SLC30A10: variants seen among roughly 807,000 people sequenced by gnomAD.
SLC30A10 encodes solute carrier family 30 member 10.
In SLC30A10, 8 loss-of-function variants were observed where a neutral mutation model predicts 21.7. The ratio of observed to expected loss-of-function variants is 0.37; its 90% CI spans 0.22 to 0.67. SLC30A10 has a LOEUF of 0.67. Ranked by LOEUF, SLC30A10 falls within the 30% of genes least tolerant of loss-of-function variation. SLC30A10 has a pLI of 0.58. For synonymous variants in SLC30A10, 272 were observed against 279.4 expected, an observed-to-expected ratio of 0.97 and a Z score of 0.26; for missense variants, 521 against 642.5, an observed-to-expected ratio of 0.81 and a Z score of 2.04.
intron 1 of SLC30A10, among the ~76,000 whole-genome samples, chr1:219,937,242 G>A (rs1022165874): frequency 6.6e-6 from 1 of 152,084 alleles, no homozygotes; most frequent in Admixed American, 6.6e-5. Context: ...TTGTCCTCAG[G>A]CTTTTTCTGC....
chr1:219,943,732 A>G (rs1660148785), intron 1 of SLC30A10, among the ~76,000 whole-genome samples: 1 of 152,246 alleles, frequency 6.6e-6, no homozygotes, highest in Admixed American at 6.5e-5. Context: ...GGAAAGTCTC[A>G]GCAAAGAAAT....
intron 1 of SLC30A10, among the ~76,000 whole-genome samples, chr1:219,944,621 A>G (rs541076752): frequency 6.6e-6 from 1 of 152,328 alleles, no homozygotes; most frequent in South Asian, 2.1e-4. Flanking sequence ...AGATAAAGGG[A>G]GGTAAGGTTT....
rs1210071228 is a variant in SLC30A10 at position 219,925,651 on chromosome 1, A to AT, written c.718+1376dup. On this transcript the variant is annotated intron_variant, in intron 2 of 3. Transcript: ENST00000366926. ...TGTGTACATATATATATATATATAT[A>AT]TTTTTTTTTTTTTTTTTTTTTTGAG... is the stretch of plus-strand genomic sequence containing the variant. Among the ~76,000 whole-genome samples, 206 of 48,300 alleles carry AT rather than the reference A, an allele frequency of 4.3e-3. 10 individuals are homozygous for AT. Among genetic ancestry groups the AT allele is most frequent in the Middle Eastern group, 0.022 (1 of 46 alleles). 31.7% of individuals were successfully genotyped at this position (48,300 alleles called of 152,430 possible).
chr1:219,912,043 T>G lies in SLC30A10; in HGVS notation c.*3406A>C, dbSNP rs1184730203. Among the ~76,000 whole-genome samples, 1 of 151,998 alleles carries G rather than the reference T, an allele frequency of 6.6e-6. No homozygotes were observed. The highest frequency in any genetic ancestry group is 2.4e-5 in the African/African-American group (1 of 41,358). ...AAGCCTCACAAAAGCTCTTATGACCTCACAGGGCAGCTGTCTTATTGTAAT... is the reference window on the plus strand; with the variant it reads ...AAGCCTCACAAAAGCTCTTATGACCGCACAGGGCAGCTGTCTTATTGTAAT... On this transcript the variant is annotated 3_prime_UTR_variant, in exon 4 of 4. Transcript: ENST00000366926.
At chr1:219,958,034 T>C (rs1418017817) in intron 1 of SLC30A10, among the ~76,000 whole-genome samples, 2 of 152,208 alleles carry the variant, frequency 1.3e-5, no homozygotes, top group African/African-American at 2.4e-5. Context: ...TCTTTATTTT[T>C]TCTCTCGCCA....
chr1:219,943,792 A>T lies in SLC30A10; in HGVS notation n.80+14776T>A, dbSNP rs554676577. ...AGAAACTTTAAAAATGAAAACTACA[A>T]TAACTGAAATAAAAACTCAATGGGA... On this transcript the variant is annotated intron_variant and non_coding_transcript_variant, in intron 1 of 8. Coordinates refer to the SLC30A10 transcript ENST00000484239. 1.7e-4 allele frequency among the ~76,000 whole-genome samples: 26 copies of T among 152,304 alleles called. No homozygotes were observed. The South Asian group carries it at 4.6e-3, about 27-fold the overall frequency.
chr1:219,955,330 A>G, intron 1 of SLC30A10, among the ~76,000 whole-genome samples: 1 of 152,194 alleles, frequency 6.6e-6, no homozygotes, highest in East Asian at 1.9e-4. Context: ...AGCCAAAAAT[A>G]CTGGCTCTAC....
chr1:219,950,337 C>A (rs1660250761), intron 1 of SLC30A10, among the ~76,000 whole-genome samples: 1 of 152,190 alleles, frequency 6.6e-6, no homozygotes, highest in African/African-American at 2.4e-5. Flanking sequence ...CTAACATTTA[C>A]AAGAGCCTTC....
chr1:219,956,910 A>G (rs1487115448), intron 1 of SLC30A10, among the ~76,000 whole-genome samples: 2 of 152,214 alleles, frequency 1.3e-5, no homozygotes, highest in Non-Finnish European at 2.9e-5. Context: ...ATGTGCAGGT[A>G]AATGTTGTAT....
chr1:219,956,615 C>T (rs1017803212), intron 1 of SLC30A10, among the ~76,000 whole-genome samples: 2 of 150,212 alleles, frequency 1.3e-5, no homozygotes, highest in South Asian at 2.1e-4. Flanking sequence ...GAGTTCGAGA[C>T]CAGCCTGGCC....
intron 1 of SLC30A10, among the ~76,000 whole-genome samples, chr1:219,943,967 G>T (rs1490612908): frequency 1.3e-5 from 2 of 151,696 alleles, no homozygotes; most frequent in African/African-American, 4.8e-5. Flanking sequence ...GGGCATGGTG[G>T]TGGGCACCTG....
intron 1 of SLC30A10, among the ~76,000 whole-genome samples, chr1:219,952,246 A>G (rs886093949): frequency 6.6e-6 from 1 of 152,182 alleles, no homozygotes; most frequent in African/African-American, 2.4e-5. Flanking sequence ...TACTGTGTTG[A>G]GTACTTTACA....
chr1:219,924,702 A>G (rs180755536), intron 2 of SLC30A10, among the ~76,000 whole-genome samples: 1 of 152,240 alleles, frequency 6.6e-6, no homozygotes, highest in Admixed American at 6.5e-5. Context: ...CAGTAAGATT[A>G]ATGTGACTAC....
At chr1:219,943,452 C>A (rs1276426364) in intron 1 of SLC30A10, among the ~76,000 whole-genome samples, 3 of 152,096 alleles carry the variant, frequency 2.0e-5, no homozygotes, top group Admixed American at 6.5e-5. Context: ...AAATAACAAG[C>A]AGCACCCCTT....
At chr1:219,949,403 T>C (rs1660236419) in intron 1 of SLC30A10, among the ~76,000 whole-genome samples, 2 of 152,326 alleles carry the variant, frequency 1.3e-5, no homozygotes, top group Admixed American at 1.3e-4. Context: ...GTGGCACATG[T>C]ACACCATGGA....
chr1:219,923,603 T>C (rs1336492888), intron 2 of SLC30A10, among the ~76,000 whole-genome samples: 1 of 152,238 alleles, frequency 6.6e-6, no homozygotes, highest in Non-Finnish European at 1.5e-5. Context: ...ACACCAAACT[T>C]TAAAAAGCTA....
chr1:219,918,834 ATTTC>A lies in SLC30A10; in HGVS notation c.719-344_719-341del, dbSNP rs1247993782. ...CTGGAAAACAGGGGCTGTGCAAATG[ATTTC>A]TTTTTCTTTCAGACAATCATCTGTG... On this transcript the variant is annotated intron_variant, in intron 2 of 3. Transcript: ENST00000366926. This position sits in a 1 kb window ranked among gnomAD's most constrained non-coding sequence, Gnocchi z 4.4. The A allele has an allele frequency of 4.5e-6, 1 of 224,592 alleles. No homozygotes were observed. Among genetic ancestry groups the A allele is most frequent in the Non-Finnish European group, 8.6e-6 (1 of 116,058 alleles). The allele number at this position is 224,592 out of a possible 1,614,324, so 13.9% of individuals were successfully genotyped here. A position where few individuals can be genotyped will look rare whatever the true frequency, so the allele number is the denominator to read the frequency against.
chr1:219,923,889 G>A (rs572250267), intron 2 of SLC30A10, among the ~76,000 whole-genome samples: 4 of 152,064 alleles, frequency 2.6e-5, no homozygotes, highest in African/African-American at 4.8e-5. Flanking sequence ...GCAAAACCCC[G>A]TCTGTACTAA....
intron 1 of SLC30A10, among the ~76,000 whole-genome samples, chr1:219,954,827 A>G (rs1660324613): frequency 6.6e-6 from 1 of 152,104 alleles, no homozygotes; most frequent in Non-Finnish European, 1.5e-5. Flanking sequence ...TATCCCAGAC[A>G]GAAAAAGACG....
Sources: gnomAD v4.1 joint callset for allele counts (sites outside exome capture counted in the v4.1 genomes callset) on GRCh38, gnomAD v4.1.1 for gene constraint, Gnocchi (gnomAD v3.1) non-coding constraint, MANE v1.5 for transcripts, NCBI Gene and HGNC (gene_info 2026-07-23, HGNC 2026-07-21) for gene names.